ADGRG4: variants seen among roughly 807,000 people sequenced by gnomAD.
ADGRG4 encodes adhesion G protein-coupled receptor G4.
In ADGRG4, 122 loss-of-function variants were observed where a neutral mutation model predicts 126.2. That is an observed-to-expected ratio of 0.97 (90% CI 0.83 to 1.12). The LOEUF (loss-of-function observed/expected upper bound fraction) is 1.12, where lower values mean the gene tolerates loss of function less well. ADGRG4 is among the 50% of genes most tolerant of loss of function. ADGRG4 has a pLI of 0.00. For missense variants in ADGRG4, 2,481 were observed against 2,251.8 expected (o/e 1.10, Z -2.06); for synonymous variants, 943 against 838.7 (o/e 1.12, Z -2.15).
chrX:136,376,643 G>T (rs867540186), intron 15 of ADGRG4, among the ~76,000 whole-genome samples: 2 of 93,207 alleles, frequency 2.1e-5, no homozygotes, highest in South Asian at 5.3e-4. Flanking sequence ...GTATTGTATT[G>T]TATTGTATTG....
chrX:136,380,643 TTCTTCTTCCTCCTCCTCCTCCTCC>T (rs1422891197), intron 15 of ADGRG4, among the ~76,000 whole-genome samples: 2 of 84,657 alleles, frequency 2.4e-5, no homozygotes, highest in East Asian at 6.8e-4. Flanking sequence ...CTTCTTCTTC[TTCTTCTTCCTCCTCCTCCTCCTCC>T]TCTTCCTCCT....
At chrX:136,315,617 A>G (rs952619465) in intron 4 of ADGRG4, among the ~76,000 whole-genome samples, 1 of 111,659 alleles carries the variant, frequency 9.0e-6, no homozygotes, top group African/African-American at 3.3e-5. Flanking sequence ...TCTGAGCCCT[A>G]CACAGTGTTG....
intron 1 of ADGRG4, among the ~76,000 whole-genome samples, chrX:136,302,105 T>C (rs747940707): frequency 9.8e-5 from 11 of 112,262 alleles, no homozygotes; most frequent in Non-Finnish European, 1.7e-4. Context: ...GTAGTTTTTT[T>C]CCAATTCTGT....
intron 23 of ADGRG4, among the ~76,000 whole-genome samples, chrX:136,410,365 G>A (rs1327616119): frequency 9.0e-6 from 1 of 111,413 alleles, no homozygotes; most frequent in Non-Finnish European, 1.9e-5. Flanking sequence ...TGAACATGGT[G>A]CTGGTGGGAG....
At chrX:136,318,363 C>T (rs1019145458) in intron 4 of ADGRG4, among the ~76,000 whole-genome samples, 1 of 111,671 alleles carries the variant, frequency 9.0e-6, no homozygotes, top group Non-Finnish European at 1.9e-5. Flanking sequence ...TTAGTAGTTG[C>T]CAGGGGCTGG....
chrX:136,369,464 A>G (rs1305372465), intron 13 of ADGRG4, among the ~76,000 whole-genome samples: 1 of 111,807 alleles, frequency 8.9e-6, no homozygotes, highest in Admixed American at 9.5e-5. Flanking sequence ...CTTAAAAACT[A>G]TACAACTCCA....
chrX:136,348,518 A>G lies in ADGRG4; in HGVS notation c.4812A>G (p.Gln1604=). ...SVTPRTTMTM[Q]TSTLDVTPVI... ...CCCCCAGGACTACTATGACCATGCA[A>G]ACATCTACATTGGATGTCACACCTG... is the stretch of plus-strand genomic sequence containing the variant. The change falls in exon 6 of 26, where the codon CAA becomes CAG. Residue 1604 remains glutamine, a synonymous_variant. Transcript: ENST00000394143. The G allele has an allele frequency of 1.7e-6, 2 of 1,208,521 alleles. No homozygotes were observed. The highest frequency in any genetic ancestry group is 1.8e-5 in the South Asian group (1 of 56,869).
chrX:136,325,182 G>GT (rs920092824), intron 5 of ADGRG4, among the ~76,000 whole-genome samples: 1 of 111,643 alleles, frequency 9.0e-6, no homozygotes, highest in Non-Finnish European at 1.9e-5. Flanking sequence ...GTTGTTATGG[G>GT]TTTTTTCCTT....
At chrX:136,359,242 A>T in intron 10 of ADGRG4, 50 bp from the exon 11 acceptor site, 12 of 1,076,265 alleles carry the variant, frequency 1.1e-5, no homozygotes, top group Admixed American at 5.8e-5. Context: ...GCCAAGTTGC[A>T]CTCCCTTGAC....
chrX:136,349,528 C>T lies in ADGRG4; in HGVS notation c.5822C>T (p.Pro1941Leu), dbSNP rs779862420. Residue 1941 changes from proline to leucine, a missense_variant, in exon 6 of 26, where the codon CCT becomes CTT. Transcript: ENST00000394143. The stretch of plus-strand genomic sequence containing the variant: ...GATGTCATGGCAATGTCATCAATTC[C>T]TATGTCAGGAATTCTTCCTAACCAT... The part of the protein sequence containing the change: ...SKDVMAMSSI[P>L]MSGILPNHGL... 2.5e-5 allele frequency: 30 copies of T among 1,206,275 alleles called. No homozygotes were observed. In the South Asian group the frequency reaches 5.3e-4, roughly 21 times the overall value.
chrX:136,359,565 C>A, intron 11 of ADGRG4, 110 bp downstream of exon 11: 1 of 608,599 alleles, frequency 1.6e-6, no homozygotes, highest in Non-Finnish European at 2.5e-6. Flanking sequence ...GAGAAGTCAT[C>A]TTTCTGTTTT....
intron 5 of ADGRG4, among the ~76,000 whole-genome samples, chrX:136,333,729 G>T (rs2148458036): frequency 9.0e-6 from 1 of 110,598 alleles, no homozygotes; most frequent in South Asian, 3.9e-4. Flanking sequence ...TGCTGGCCAG[G>T]CTGGTCTCGA....
chrX:136,323,863 T>A (rs1979789461), intron 5 of ADGRG4, among the ~76,000 whole-genome samples: 2 of 112,003 alleles, frequency 1.8e-5, no homozygotes, highest in South Asian at 7.5e-4. Context: ...CAACTCAGGA[T>A]CACACATTAC....
At chrX:136,372,866 G>A in intron 14 of ADGRG4, 36 bp from the exon 15 acceptor site, 3 of 1,195,815 alleles carry the variant, frequency 2.5e-6, no homozygotes, top group Non-Finnish European at 3.4e-6. Context: ...ACTTTTAAAA[G>A]GTAGGATGCT....
At chrX:136,367,535 G>A (rs1055357644) in intron 13 of ADGRG4, among the ~76,000 whole-genome samples, 1 of 111,999 alleles carries the variant, frequency 8.9e-6, no homozygotes, top group Admixed American at 9.5e-5. Flanking sequence ...ACTGGGTTGG[G>A]ATTTTTAGAA....
chrX:136,397,652 T>C (rs982142019), intron 19 of ADGRG4, among the ~76,000 whole-genome samples: 1 of 111,051 alleles, frequency 9.0e-6, no homozygotes, highest in Non-Finnish European at 1.9e-5. Context: ...CAAATGTTCT[T>C]CCAATGCTAT....
In ADGRG4 at chrX:136,346,526, T is replaced by C; in HGVS notation, c.2820T>C (p.His940=). 4.1e-6 allele frequency: 5 copies of C among 1,209,770 alleles called. No individual in the cohort carries two copies. The Admixed American group carries it at 6.5e-5, about 16-fold the overall frequency. ...MFNFNHTYVA[H]WTSETSEGIS... ...ATTTTAACCACACCTATGTAGCACATTGGACTTCAGAGACATCTGAGGGAA... is the reference window on the plus strand; with the variant it reads ...ATTTTAACCACACCTATGTAGCACACTGGACTTCAGAGACATCTGAGGGAA... Residue 940 remains histidine (H), a synonymous_variant, in exon 6 of 26, where the codon CAT becomes CAC. Transcript: ENST00000394143.
intron 25 of ADGRG4, 22 bp downstream of exon 25, chrX:136,414,349 G>A (rs1314166068): frequency 1.8e-6 from 2 of 1,135,753 alleles, no homozygotes; most frequent in Admixed American, 2.4e-5. Context: ...AGGCTGTGTT[G>A]TCTACATTTA....
intron 15 of ADGRG4, among the ~76,000 whole-genome samples, chrX:136,382,917 T>C (rs997258038): frequency 4.5e-5 from 5 of 110,741 alleles, no homozygotes; most frequent in African/African-American, 1.6e-4. Context: ...CAGCAGAATG[T>C]AATGTCGTGG....
Sources: allele counts gnomAD v4.1 joint callset (sites outside exome capture counted in the v4.1 genomes callset), GRCh38; gene constraint gnomAD v4.1.1; transcripts MANE v1.5; gene names NCBI Gene and HGNC (gene_info 2026-07-23, HGNC 2026-07-21).